EYA4: variants seen among roughly 807,000 people sequenced by gnomAD.
The protein encoded by EYA4 is EYA transcriptional coactivator and phosphatase 4, also known as protein phosphatase EYA4.
Under a neutral mutation model 87.9 loss-of-function variants are expected in EYA4, and 31 were observed. The observed-to-expected ratio is 0.35, with a 90% confidence interval of 0.27 to 0.48. The LOEUF is 0.48. Among genes scored for constraint, EYA4 ranks in the 20% least tolerant of loss-of-function variants. The probability of loss-of-function intolerance (pLI) is 0.99; values close to 1 mark genes in which losing one functional copy is unlikely to be tolerated. For missense variants in EYA4, 678 were observed against 761.4 expected (o/e 0.89, Z 1.29); for synonymous variants, 263 against 270.6 (o/e 0.97, Z 0.28).
intron 2 of EYA4, among the ~76,000 whole-genome samples, chr6:133,298,962 C>G (rs1474201604): frequency 1.3e-5 from 2 of 152,168 alleles, no homozygotes; most frequent in Non-Finnish European, 2.9e-5. Context: ...AAAAGAGTCT[C>G]TGCCTTGAAG....
chr6:133,356,712 A>G (rs1784063086), intron 2 of EYA4, among the ~76,000 whole-genome samples: 1 of 150,350 alleles, frequency 6.7e-6, no homozygotes, highest in African/African-American at 2.4e-5. Context: ...TTAGTTTACT[A>G]TCTATTAGCA....
intron 10 of EYA4, among the ~76,000 whole-genome samples, chr6:133,467,638 C>T (rs970055169): frequency 5.3e-5 from 8 of 151,990 alleles, no homozygotes; most frequent in Admixed American, 3.3e-4. Context: ...TACATATTTA[C>T]TTATAAAGAT....
chr6:133,403,378 T>C (rs1470290344), intron 3 of EYA4, among the ~76,000 whole-genome samples: 6 of 152,208 alleles, frequency 3.9e-5, no homozygotes, highest in African/African-American at 1.4e-4. Context: ...ACAGGCTTTA[T>C]TTAACTCCCA....
In EYA4 at chr6:133,265,654, T is replaced by C. The variant is rs559826737; in HGVS notation, c.-65-9062T>C. 2.0e-5 allele frequency among the ~76,000 whole-genome samples: 3 copies of C among 152,250 alleles called. No individual in the cohort carries two copies. The South Asian group carries it at 6.2e-4, about 32-fold the overall frequency. ...CTAGGCTCATAATATTTTAGTACCT[T>C]AGTGTGATTGGCCAAGAAAAAAATT... On this transcript the variant is annotated intron_variant, in intron 1 of 19. Coordinates refer to ENST00000355286, the MANE Select transcript of EYA4 (RefSeq NM_004100.5).
chr6:133,312,984 G>A (rs143497358), intron 2 of EYA4, among the ~76,000 whole-genome samples: 106 of 152,212 alleles, frequency 7.0e-4, no homozygotes, highest in African/African-American at 2.5e-3. Context: ...TTAGGATTAA[G>A]TGTAGGTGTA....
intron 2 of EYA4, among the ~76,000 whole-genome samples, chr6:133,350,995 C>T (rs1252851404): frequency 1.3e-5 from 2 of 151,146 alleles, no homozygotes; most frequent in African/African-American, 4.9e-5. Flanking sequence ...CTTCTGCTTA[C>T]ATTTTCTTTG....
intron 14 of EYA4, chr6:133,511,801 C>G (rs1294769880): frequency 6.6e-6 from 1 of 152,086 alleles, no homozygotes; most frequent in African/African-American, 2.4e-5. Context: ...AAAACATCAT[C>G]TCTAGTAAAA....
intron 2 of EYA4, among the ~76,000 whole-genome samples, chr6:133,348,261 G>GTTTTT (rs35905853): frequency 7.3e-5 from 5 of 68,782 alleles, no homozygotes; most frequent in Non-Finnish European, 1.3e-4. Context: ...TCTTCAAGTA[G>GTTTTT]TTTTTTTTTT....
intron 1 of EYA4, among the ~76,000 whole-genome samples, chr6:133,270,548 G>A (rs531407126): frequency 4.6e-5 from 7 of 152,294 alleles, no homozygotes; most frequent in Admixed American, 6.5e-5. Flanking sequence ...CAGTGGTCTC[G>A]TGGTCGTAGA....
intron 2 of EYA4, among the ~76,000 whole-genome samples, chr6:133,357,584 A>T (rs1410275838): frequency 6.6e-6 from 1 of 152,170 alleles, no homozygotes; most frequent in East Asian, 1.9e-4. Flanking sequence ...AATTTCACAT[A>T]AATCCAAACA....
chr6:133,332,530 C>A (rs1338594940), intron 2 of EYA4, among the ~76,000 whole-genome samples: 4 of 152,004 alleles, frequency 2.6e-5, no homozygotes, highest in Non-Finnish European at 5.9e-5. Flanking sequence ...AAGACTTCTT[C>A]CACTTTGAGG....
At chr6:133,391,437 G>C (rs911732835) in intron 3 of EYA4, among the ~76,000 whole-genome samples, 11 of 151,984 alleles carry the variant, frequency 7.2e-5, no homozygotes, top group Admixed American at 3.9e-4. Flanking sequence ...AATTTCAGAA[G>C]GTATGGGAGA....
chr6:133,373,746 G>A (rs748815360), intron 2 of EYA4, among the ~76,000 whole-genome samples: 2 of 152,102 alleles, frequency 1.3e-5, no homozygotes, highest in Non-Finnish European at 2.9e-5. Context: ...ATATGAGGAA[G>A]TATCTCTTTA....
At chr6:133,244,697 G>C (rs1774264082) in intron 1 of EYA4, among the ~76,000 whole-genome samples, 1 of 151,374 alleles carries the variant, frequency 6.6e-6, no homozygotes, top group South Asian at 2.1e-4. Context: ...GTACTTTGGG[G>C]TGTAAATAAA....
chr6:133,449,736 C>T (rs1297647147), intron 5 of EYA4, among the ~76,000 whole-genome samples: 4 of 152,156 alleles, frequency 2.6e-5, no homozygotes, highest in Admixed American at 6.5e-5. Context: ...ATATAAATTG[C>T]TTAACAATAA....
At chr6:133,377,564 GTTTTTTT>G in intron 2 of EYA4, among the ~76,000 whole-genome samples, 1 of 116,324 alleles carries the variant, frequency 8.6e-6, no homozygotes, top group Non-Finnish European at 1.7e-5. Context: ...TTTCACATTA[GTTTTTTT>G]TTTTTTTTTT....
chr6:133,423,350 C>G (rs975477042), intron 3 of EYA4, among the ~76,000 whole-genome samples: 2 of 152,140 alleles, frequency 1.3e-5, no homozygotes, highest in Non-Finnish European at 2.9e-5. Context: ...ACATTTTCAA[C>G]TTTACTAGAT....
chr6:133,293,565 C>CT (rs764855206), intron 2 of EYA4, among the ~76,000 whole-genome samples: 41 of 152,260 alleles, frequency 2.7e-4, no homozygotes, highest in Admixed American at 2.1e-3. Flanking sequence ...CTCTGAACCT[C>CT]TTTCCTCGTC....
intron 3 of EYA4, among the ~76,000 whole-genome samples, chr6:133,391,216 G>GTTTTTTTTTTTTTTT (rs1171912624): frequency 1.5e-5 from 1 of 68,954 alleles, no homozygotes; most frequent in Admixed American, 1.4e-4. Context: ...TTTGGGTTTT[G>GTTTTTTTTTTTTTTT]TTTTTGTTTT....
Sources: gnomAD v4.1 joint callset for allele counts (sites outside exome capture counted in the v4.1 genomes callset) on GRCh38, gnomAD v4.1.1 for gene constraint, MANE v1.5 for transcripts, NCBI Gene and HGNC (gene_info 2026-07-23, HGNC 2026-07-21) for gene names.